Variants in ASIC2 observed in about 807,000 individuals in gnomAD.
ASIC2 encodes acid-sensing ion channel 2.
A neutral mutation model predicts 57.3 loss-of-function variants in ASIC2; 25 were observed. The observed-to-expected ratio is 0.44, with a 90% CI of 0.32 to 0.61. The LOEUF (loss-of-function observed/expected upper bound fraction) is 0.61, where lower values mean the gene tolerates loss of function less well. Among genes scored for constraint, ASIC2 ranks in the 20% least tolerant of loss-of-function variants. ASIC2 has a pLI of 0.06. For missense variants in ASIC2, 641 were observed against 738.1 expected (o/e 0.87, Z 1.52); for synonymous variants, 319 against 307.5 (o/e 1.04, Z -0.39).
intron 1 of ASIC2, among the ~76,000 whole-genome samples, chr17:33,139,789 A>G (rs1191851708): frequency 6.6e-6 from 1 of 152,136 alleles, no homozygotes; most frequent in African/African-American, 2.4e-5. Context: ...TTCCCCGGAG[A>G]GACAAGATTG....
At chr17:33,814,513 A>G (rs1476538672) in intron 1 of ASIC2, among the ~76,000 whole-genome samples, 3 of 152,222 alleles carry the variant, frequency 2.0e-5, no homozygotes, top group African/African-American at 7.2e-5. Flanking sequence ...CCAGCTAACA[A>G]TGTTGCCATA....
intron 1 of ASIC2, among the ~76,000 whole-genome samples, chr17:33,733,055 C>G (rs1428647579): frequency 6.6e-6 from 1 of 152,126 alleles, no homozygotes. Flanking sequence ...TCTTTGGTAT[C>G]CTTTGATTGT....
chr17:33,744,503 A>G (rs1256617735), intron 1 of ASIC2, among the ~76,000 whole-genome samples: 1 of 152,258 alleles, frequency 6.6e-6, no homozygotes, highest in African/African-American at 2.4e-5. Context: ...CATGGGGAAT[A>G]GACTTAGCTA....
intron 2 of ASIC2, among the ~76,000 whole-genome samples, chr17:33,092,267 G>A (rs997601529): frequency 6.6e-6 from 1 of 152,196 alleles, no homozygotes; most frequent in Non-Finnish European, 1.5e-5. Flanking sequence ...ATTGCCCTTG[G>A]CTTCCTTTTA....
chr17:33,272,707 T>A (rs762935837), intron 1 of ASIC2, among the ~76,000 whole-genome samples: 1 of 152,208 alleles, frequency 6.6e-6, no homozygotes, highest in African/African-American at 2.4e-5. Flanking sequence ...ATCATCACCA[T>A]CATCATCATT....
chr17:33,261,516 G>A (rs971288376), intron 1 of ASIC2, among the ~76,000 whole-genome samples: 1 of 152,176 alleles, frequency 6.6e-6, no homozygotes, highest in Non-Finnish European at 1.5e-5. Flanking sequence ...TGAGTGACAT[G>A]TCTGGTTTCT....
At chr17:33,339,303 G>T (rs1045180188) in intron 1 of ASIC2, among the ~76,000 whole-genome samples, 2 of 152,048 alleles carry the variant, frequency 1.3e-5, no homozygotes, top group African/African-American at 2.4e-5. Flanking sequence ...ACAGGTCTGG[G>T]GGCAGCAAAC....
intron 1 of ASIC2, among the ~76,000 whole-genome samples, chr17:33,441,809 T>A (rs887567392): frequency 2.6e-5 from 4 of 152,236 alleles, no homozygotes; most frequent in African/African-American, 9.6e-5. Context: ...CACAACTGTC[T>A]ACTTTTCATC....
chr17:33,054,261 A>AGGT (rs2091989105), intron 3 of ASIC2, among the ~76,000 whole-genome samples: 2 of 152,300 alleles, frequency 1.3e-5, no homozygotes, highest in Admixed American at 1.3e-4. Context: ...GGAGGTAGGT[A>AGGT]GGTGACTGAT....
At chr17:34,032,840 C>T (rs1385746393) in intron 1 of ASIC2, among the ~76,000 whole-genome samples, 1 of 152,176 alleles carries the variant, frequency 6.6e-6, no homozygotes. Context: ...GCGCCCAGTA[C>T]AGGAGTACCC....
chr17:33,996,007 C>A (rs1437721039), intron 1 of ASIC2, among the ~76,000 whole-genome samples: 1 of 152,154 alleles, frequency 6.6e-6, no homozygotes, highest in Non-Finnish European at 1.5e-5. Context: ...TTTGACGATA[C>A]CTATTGTCTC....
intron 1 of ASIC2, among the ~76,000 whole-genome samples, chr17:33,338,716 T>C (rs1168557265): frequency 6.6e-6 from 1 of 152,142 alleles, no homozygotes. Flanking sequence ...AATGGATAAG[T>C]AGTGTATCTG....
chr17:33,956,636 T>C (rs562167610), intron 1 of ASIC2, among the ~76,000 whole-genome samples: 10 of 152,312 alleles, frequency 6.6e-5, no homozygotes, highest in South Asian at 2.1e-4. Flanking sequence ...CAGAGGAGGC[T>C]GGTCCCCCAC....
chr17:33,872,378 T>C (rs974545165), intron 1 of ASIC2, among the ~76,000 whole-genome samples: 7 of 152,028 alleles, frequency 4.6e-5, no homozygotes, highest in African/African-American at 1.4e-4. Context: ...GACACCAAGA[T>C]GGATAGATGG....
chr17:34,109,281 G>A (rs2142108870), intron 1 of ASIC2, among the ~76,000 whole-genome samples: 1 of 152,090 alleles, frequency 6.6e-6, no homozygotes, highest in South Asian at 2.1e-4. Flanking sequence ...TTCATTTATT[G>A]TCATTGCTCT....
At chr17:33,497,628 C>A (rs1048210703) in intron 1 of ASIC2, among the ~76,000 whole-genome samples, 2 of 152,186 alleles carry the variant, frequency 1.3e-5, no homozygotes, top group Non-Finnish European at 2.9e-5. Flanking sequence ...CCTGCCCCCA[C>A]TAGGGCAGGG....
At chr17:33,150,849 C>CCAAA (rs1904760882) in intron 1 of ASIC2, among the ~76,000 whole-genome samples, 1 of 18,924 alleles carries the variant, frequency 5.3e-5, no homozygotes, top group Non-Finnish European at 8.2e-5. Context: ...GACTCCGTCT[C>CCAAA]AAAAAAAAAA....
intron 1 of ASIC2, among the ~76,000 whole-genome samples, chr17:33,678,808 G>A (rs548197858): frequency 1.1e-4 from 16 of 152,206 alleles, no homozygotes; most frequent in African/African-American, 3.6e-4. Context: ...ATCAGTCAGC[G>A]GGCATCCCAG....
intron 1 of ASIC2, among the ~76,000 whole-genome samples, chr17:33,361,701 T>C (rs536928590): frequency 1.3e-5 from 2 of 152,330 alleles, no homozygotes; most frequent in African/African-American, 4.8e-5. Context: ...GTCATACTGA[T>C]GATGGGTAGC....
Sources: allele counts gnomAD v4.1 joint callset (sites outside exome capture counted in the v4.1 genomes callset), GRCh38; gene constraint gnomAD v4.1.1; transcripts MANE v1.5; gene names NCBI Gene and HGNC (gene_info 2026-07-23, HGNC 2026-07-21).